The following ZNF562 variants were observed in gnomAD, a reference collection of about 807,000 sequenced individuals.
ZNF562 encodes zinc finger protein 562.
ZNF562 carries 13 observed loss-of-function variants against 17.5 expected under a neutral mutation model. The ratio of observed to expected loss-of-function variants is 0.74; its 90% CI spans 0.48 to 1.18. The LOEUF (loss-of-function observed/expected upper bound fraction) is 1.18, where lower values mean the gene tolerates loss of function less well. Ranked by LOEUF, ZNF562 falls within the 50% of genes most tolerant of loss-of-function variation. The pLI is 0.00. For synonymous variants in ZNF562, 163 were observed against 165.4 expected (o/e 0.99, Z 0.11); for missense variants, 481 against 498.5 (o/e 0.96, Z 0.33).
chr19:9,672,517 AG>A (rs1385416371), intron 1 of ZNF562, among the ~76,000 whole-genome samples: 2 of 152,182 alleles, frequency 1.3e-5, no homozygotes, highest in African/African-American at 2.4e-5. Context: ...AGTTTTCCTT[AG>A]GATCAAATTT....
In ZNF562 at chr19:9,653,066, A is replaced by T. The variant is rs2074895307; in HGVS notation, c.1164T>A (p.Thr388=). The change falls in exon 6 of 6, where the codon ACT becomes ACA. Residue 388 remains threonine (T), a synonymous_variant. Coordinates refer to ENST00000453372, the MANE Select transcript of ZNF562 (RefSeq NM_001130031.2). ...CTCCTGTGTGAATTCTTCTATGTTGAGTAAGCGTTGAAGATCTATTGAAGG... is the reference window on the plus strand; with the variant it reads ...CTCCTGTGTGAATTCTTCTATGTTGTGTAAGCGTTGAAGATCTATTGAAGG... ...GKAFNRSSTL[T]QHRRIHTGEK... is the part of the protein sequence containing the mutation. 1.9e-6 allele frequency: 3 copies of T among 1,606,868 alleles called. No homozygotes were observed. Among genetic ancestry groups the T allele is most frequent in the Non-Finnish European group, 2.5e-6 (3 of 1,176,526 alleles).
intron 2 of ZNF562, among the ~76,000 whole-genome samples, chr19:9,660,058 C>T (rs2043677660): frequency 8.9e-6 from 1 of 112,878 alleles, no homozygotes; most frequent in South Asian, 3.3e-4. Context: ...AACTGCACTT[C>T]AGCCTGGGTG....
chr19:9,660,611 A>AG, intron 2 of ZNF562, 109 bp downstream of exon 2: 2 of 322,264 alleles, frequency 6.2e-6, no homozygotes, highest in Admixed American at 1.3e-4. Flanking sequence ...CATCTAAAAG[A>AG]AAAAAAAAAA....
At chr19:9,667,811 C>T (rs1003035481) in intron 1 of ZNF562, among the ~76,000 whole-genome samples, 3 of 151,792 alleles carry the variant, frequency 2.0e-5, no homozygotes, top group African/African-American at 7.3e-5. Flanking sequence ...CCCAGGCTGA[C>T]CTTGAACTCC....
chr19:9,653,996 T>TC, intron 5 of ZNF562, 115 bp from the exon 6 acceptor site: 1 of 1,232,658 alleles, frequency 8.1e-7, no homozygotes, highest in Non-Finnish European at 1.1e-6. Flanking sequence ...TGTTTAATTT[T>TC]TTTTTTTTTT....
chr19:9,661,608 A>T (rs1479250117), intron 1 of ZNF562, among the ~76,000 whole-genome samples: 2 of 152,154 alleles, frequency 1.3e-5, no homozygotes, highest in African/African-American at 4.8e-5. Flanking sequence ...AGCCTGGCCA[A>T]CATAGTGAAA....
At chr19:9,670,964 C>A (rs2044175269) in intron 1 of ZNF562, among the ~76,000 whole-genome samples, 1 of 146,456 alleles carries the variant, frequency 6.8e-6, no homozygotes. Context: ...CATGCCACTG[C>A]ATTCTAGCCT....
intron 5 of ZNF562, among the ~76,000 whole-genome samples, chr19:9,655,382 T>C (rs755921195): frequency 2.0e-5 from 3 of 152,230 alleles, no homozygotes. Context: ...TGACAAGTTA[T>C]ACAGGTATGG....
At chr19:9,674,763 C>G (rs1418324382) in intron 1 of ZNF562, 1 of 152,256 alleles carries the variant, frequency 6.6e-6, no homozygotes, top group Non-Finnish European at 1.5e-5. Flanking sequence ...CCAAGCTTTT[C>G]AAGAGAGGAG....
In ZNF562 at chr19:9,653,516, C is replaced by G. The variant is rs141906162; in HGVS notation, c.714G>C (p.Glu238Asp). 1,250 of 1,614,202 alleles carry G rather than the reference C, an allele frequency of 7.7e-4. 13 individuals carry two copies. The African/African-American group carries it at 0.015, about 20-fold the overall frequency. Residue 238 changes from glutamate to aspartate, a missense_variant, in exon 6 of 6, where the codon GAG becomes GAC. Physicochemically the swap from Glu to Asp is conservative, Grantham distance 45. Coordinates refer to ENST00000453372, the MANE Select transcript of ZNF562 (RefSeq NM_001130031.2). ...GEKLCEFQECERAITTSSHLK... is the reference protein window; with the variant it reads ...GEKLCEFQECDRAITTSSHLK... ...AGTGTGAGGAAGTTGTGATGGCTCT[C>G]TCACATTCCTGAAATTCACAGAGTT... is the stretch of plus-strand genomic sequence containing the variant.
At position 9,658,101 on chromosome 19, in the gene ZNF562, A is replaced by G; in HGVS notation, c.149T>C (p.Phe50Ser). 2 of 1,613,690 alleles carry G rather than the reference A, an allele frequency of 1.2e-6. No homozygotes were observed. The highest frequency in any genetic ancestry group is 1.7e-6 in the Non-Finnish European group (2 of 1,179,752). The change falls in exon 4 of 6, where the codon TTC becomes TCC. Residue 50 changes from phenylalanine to serine, a missense_variant. Coordinates refer to ENST00000453372, the MANE Select transcript of ZNF562 (RefSeq NM_001130031.2). Reference sequence around the variant, plus strand: ...CAGTAAAGCCCACTCCTCTGGGGTGAACTCCACAGCCACATCATCAAACGT... The same window carrying G: ...CAGTAAAGCCCACTCCTCTGGGGTGGACTCCACAGCCACATCATCAAACGT... ...SVTFDDVAVE[F>S]TPEEWALLDT...
intron 1 of ZNF562, among the ~76,000 whole-genome samples, chr19:9,665,497 C>A (rs1344635857): frequency 6.6e-6 from 1 of 152,114 alleles, no homozygotes; most frequent in African/African-American, 2.4e-5. Flanking sequence ...GGGAGAAATA[C>A]CCTGAGGACA....
intron 3 of ZNF562, among the ~76,000 whole-genome samples, chr19:9,659,112 C>T (rs1173795816): frequency 1.3e-5 from 2 of 152,230 alleles, no homozygotes; most frequent in African/African-American, 2.4e-5. Flanking sequence ...TCATCTGTCA[C>T]CGCACCCAGC....
Position 9,653,542 on chromosome 19 carries a change from T to G in ZNF562, c.688A>C (p.Lys230Gln). 1.9e-6 allele frequency: 3 copies of G among 1,614,206 alleles called. No homozygotes were observed. Among genetic ancestry groups the G allele is most frequent in the Non-Finnish European group, 2.5e-6 (3 of 1,180,032 alleles). ...TCACATTCCTGAAATTCACAGAGTTTCTCTCCAATGTGGATTCCCATGTGA... is the reference window on the plus strand; with the variant it reads ...TCACATTCCTGAAATTCACAGAGTTGCTCTCCAATGTGGATTCCCATGTGA... ...DNHMGIHIGE[K>Q]LCEFQECERA... is the part of the protein sequence containing the mutation. Residue 230 changes from lysine to glutamine, a missense_variant, in exon 6 of 6, where the codon AAA (lysine) becomes CAA (glutamine). Physicochemically the swap from Lys to Gln is moderately conservative, Grantham distance 53. Around this residue, in one of 2 missense-constraint regions of ZNF562, gnomAD observed 403 missense variants for 386.4 expected, o/e 1.04. Coordinates refer to ENST00000453372, the MANE Select transcript of ZNF562 (RefSeq NM_001130031.2).
chr19:9,653,953 C>T, intron 5 of ZNF562, 72 bp from the exon 6 acceptor site: 1 of 1,328,752 alleles, frequency 7.5e-7, no homozygotes, highest in Non-Finnish European at 9.9e-7. Flanking sequence ...AACACAGAAA[C>T]ATTATTTTGA....
At chr19:9,674,487 C>T (rs1260429099) in intron 1 of ZNF562, 1 of 149,722 alleles carries the variant, frequency 6.7e-6, no homozygotes, top group Admixed American at 6.7e-5. Flanking sequence ...TGCACTCCAG[C>T]GTGGGCGACA....
intron 1 of ZNF562, among the ~76,000 whole-genome samples, chr19:9,661,665 G>A (rs1399189636): frequency 2.0e-5 from 3 of 151,930 alleles, no homozygotes; most frequent in East Asian, 3.9e-4. Flanking sequence ...TGTGGTGGTG[G>A]GCACCTGGAA....
chr19:9,674,845 C>G (rs1022615958), intron 1 of ZNF562, 170 bp downstream of exon 1: 1 of 152,320 alleles, frequency 6.6e-6, no homozygotes, highest in African/African-American at 2.4e-5. Flanking sequence ...CGCAGCCAGA[C>G]GGACTGTGCG....
intron 1 of ZNF562, chr19:9,674,629 C>T (rs2044335709): frequency 6.6e-6 from 1 of 152,140 alleles, no homozygotes; most frequent in South Asian, 2.1e-4. Context: ...CGCCGTTGCT[C>T]ACCAGGAACA....
Sources: gnomAD v4.1 joint callset for allele counts (sites outside exome capture counted in the v4.1 genomes callset) on GRCh38, gnomAD v4.1.1 for gene constraint, gnomAD v4.1.1 regional missense constraint, MANE v1.5 for transcripts, NCBI Gene and HGNC (gene_info 2026-07-23, HGNC 2026-07-21) for gene names.